The following TACR1 variants were observed in gnomAD, a reference collection of about 807,000 sequenced individuals.
TACR1 encodes substance-P receptor.
In TACR1, 25 loss-of-function variants were observed where a neutral mutation model predicts 35.8. The ratio of observed to expected loss-of-function variants is 0.70; its 90% CI spans 0.51 to 0.98. The LOEUF (loss-of-function observed/expected upper bound fraction) is 0.98. TACR1 is among the 50% of genes least tolerant of loss of function. The probability of loss-of-function intolerance (pLI) is 0.00; values close to 1 mark genes in which losing one functional copy is unlikely to be tolerated. For synonymous variants in TACR1, 195 were observed against 206.7 expected (o/e 0.94, Z 0.48); for missense variants, 478 against 522.9 (o/e 0.91, Z 0.84).
chr2:75,095,840 G>A (rs1673410690), intron 2 of TACR1, among the ~76,000 whole-genome samples: 1 of 152,124 alleles, frequency 6.6e-6, no homozygotes, highest in Non-Finnish European at 1.5e-5. Context: ...TGCCCTTCTA[G>A]ATGCTCCAGG....
intron 2 of TACR1, among the ~76,000 whole-genome samples, chr2:75,053,989 C>T (rs1184240653): frequency 6.6e-6 from 1 of 151,956 alleles, no homozygotes; most frequent in Non-Finnish European, 1.5e-5. Context: ...TGGACTTTTT[C>T]CATAATGAAT....
intron 1 of TACR1, among the ~76,000 whole-genome samples, chr2:75,185,800 T>G (rs1272744225): frequency 6.6e-6 from 1 of 152,142 alleles, no homozygotes; most frequent in East Asian, 1.9e-4. Flanking sequence ...TGGCTAACAC[T>G]CTGAACAAAC....
chr2:75,152,329 G>T (rs777839877), intron 1 of TACR1, among the ~76,000 whole-genome samples: 1 of 152,168 alleles, frequency 6.6e-6, no homozygotes, highest in Non-Finnish European at 1.5e-5. Flanking sequence ...AGGAACCCAG[G>T]GGGAGGTAAT....
intron 2 of TACR1, among the ~76,000 whole-genome samples, chr2:75,085,140 T>C (rs1673167126): frequency 6.6e-6 from 1 of 152,214 alleles, no homozygotes; most frequent in Non-Finnish European, 1.5e-5. Flanking sequence ...TTTGTTCTCG[T>C]TGGGAGAAAC....
At position 75,120,704 on chromosome 2, in the gene TACR1, A is replaced by C; in HGVS notation, c.454T>G (p.Cys152Gly). 6.2e-7 allele frequency: 1 copy of C among 1,614,062 alleles called. No individual in the cohort carries two copies. The highest frequency in any genetic ancestry group is 8.5e-7 in the Non-Finnish European group (1 of 1,180,004). Residue 152 changes from cysteine to glycine, a missense_variant, in exon 2 of 5, where the codon TGT becomes GGT. Cys to Gly is a radical substitution (Grantham distance 159, BLOSUM62 -3). Coordinates refer to ENST00000305249, the MANE Select transcript of TACR1 (RefSeq NM_001058.4). The stretch of plus-strand genomic sequence containing the variant: ...AGGAGAGCCAGGACCCAGATGACAC[A>C]GATGACCACTTTGGTGGCTGTGGCT... ...LSATATKVVI[C>G]VIWVLALLLA...
At chr2:75,116,532 G>A (rs1055530407) in intron 2 of TACR1, among the ~76,000 whole-genome samples, 2 of 152,158 alleles carry the variant, frequency 1.3e-5, no homozygotes, top group Non-Finnish European at 2.9e-5. Context: ...ATATGTGAAT[G>A]GGTTTTTTTT....
chr2:75,176,319 T>G (rs1026194298), intron 1 of TACR1, among the ~76,000 whole-genome samples: 2 of 151,464 alleles, frequency 1.3e-5, no homozygotes, highest in African/African-American at 2.4e-5. Flanking sequence ...AAAGGAGACA[T>G]TATACATTTT....
intron 1 of TACR1, chr2:75,156,080 A>G (rs6729493): frequency 0.19 from 28,358 of 152,250 alleles, 4,630 homozygotes; most frequent in African/African-American, 0.44. Flanking sequence ...ATTTGTTTAC[A>G]TATTGTCTAT....
At chr2:75,130,291 T>C (rs558747680) in intron 1 of TACR1, among the ~76,000 whole-genome samples, 1 of 152,274 alleles carries the variant, frequency 6.6e-6, no homozygotes, top group East Asian at 1.9e-4. Flanking sequence ...ACTCAGGTGC[T>C]CAGCATTATT....
chr2:75,120,512 A>G, intron 2 of TACR1, 62 bp downstream of exon 2: 1 of 1,437,284 alleles, frequency 7.0e-7, no homozygotes, highest in Non-Finnish European at 9.4e-7. Context: ...AAAGAGCAAG[A>G]AGGGGCCAGG....
intron 2 of TACR1, among the ~76,000 whole-genome samples, chr2:75,093,605 C>T (rs984488779): frequency 3.9e-5 from 6 of 152,184 alleles, no homozygotes; most frequent in Non-Finnish European, 8.8e-5. Flanking sequence ...ACTGCAGGAG[C>T]TCCCTGCCTT....
intron 1 of TACR1, among the ~76,000 whole-genome samples, chr2:75,127,528 C>G (rs1185867236): frequency 1.3e-5 from 2 of 152,130 alleles, no homozygotes; most frequent in Admixed American, 6.5e-5. Context: ...CAGCTGATAG[C>G]AAGGGCGCCA....
intron 1 of TACR1, among the ~76,000 whole-genome samples, chr2:75,156,861 G>C (rs924200316): frequency 6.6e-6 from 1 of 152,194 alleles, no homozygotes; most frequent in Non-Finnish European, 1.5e-5. Flanking sequence ...TTAGTGTCTA[G>C]TTTTCTTCTA....
intron 1 of TACR1, among the ~76,000 whole-genome samples, chr2:75,191,131 C>T (rs957146280): frequency 6.6e-6 from 1 of 152,210 alleles, no homozygotes; most frequent in African/African-American, 2.4e-5. Flanking sequence ...ATTGAAGTCT[C>T]TCAAGGTGGC....
chr2:75,108,672 A>G (rs1673695454), intron 2 of TACR1, among the ~76,000 whole-genome samples: 1 of 152,192 alleles, frequency 6.6e-6, no homozygotes, highest in Non-Finnish European at 1.5e-5. Flanking sequence ...AGGCATAACC[A>G]CTAGAAAGAT....
intron 1 of TACR1, among the ~76,000 whole-genome samples, chr2:75,145,508 C>T (rs573121469): frequency 6.6e-6 from 1 of 152,116 alleles, no homozygotes; most frequent in Non-Finnish European, 1.5e-5. Flanking sequence ...AAGACAAATT[C>T]AATTTCAGAA....
intron 2 of TACR1, among the ~76,000 whole-genome samples, chr2:75,115,988 A>C (rs1673849111): frequency 6.6e-6 from 1 of 152,160 alleles, no homozygotes; most frequent in Non-Finnish European, 1.5e-5. Flanking sequence ...TTAAAAAAAC[A>C]AGGTGCATAA....
chr2:75,068,245 G>A (rs1490801414), intron 2 of TACR1, among the ~76,000 whole-genome samples: 1 of 152,188 alleles, frequency 6.6e-6, no homozygotes, highest in Non-Finnish European at 1.5e-5. Flanking sequence ...TCTTGAGGCA[G>A]AATTCCTTTC....
At chr2:75,176,042 A>G (rs1007564109) in intron 1 of TACR1, among the ~76,000 whole-genome samples, 1 of 150,848 alleles carries the variant, frequency 6.6e-6, no homozygotes, top group African/African-American at 2.4e-5. Context: ...AGGAAACAGA[A>G]AAAAGAAACC....
Sources: allele counts gnomAD v4.1 joint callset (sites outside exome capture counted in the v4.1 genomes callset), GRCh38; gene constraint gnomAD v4.1.1; transcripts MANE v1.5; gene names NCBI Gene and HGNC (gene_info 2026-07-23, HGNC 2026-07-21).